NRXN3: variants seen among roughly 807,000 people sequenced by gnomAD.
NRXN3 encodes the protein neurexin III.
In NRXN3, 32 loss-of-function variants were observed where a neutral mutation model predicts 137.6. The ratio of observed to expected loss-of-function variants is 0.23; its 90% CI spans 0.18 to 0.31. The LOEUF (loss-of-function observed/expected upper bound fraction) is 0.31. NRXN3 is among the 10% of genes least tolerant of loss of function. The probability of loss-of-function intolerance (pLI) is 1.00; values close to 1 mark genes in which losing one functional copy is unlikely to be tolerated. For missense variants in NRXN3, 1,574 were observed against 2,062.5 expected (o/e 0.76, Z 4.59); for synonymous variants, 798 against 784.5 (o/e 1.02, Z -0.29).
intron 20 of NRXN3, chr14:79,823,909 T>C: frequency 2.2e-6 from 1 of 450,672 alleles, no homozygotes; most frequent in East Asian, 7.0e-5. Flanking sequence ...AGTGACAAAT[T>C]GTCCATGGAT....
chr14:78,797,153 G>C (rs926405048), intron 8 of NRXN3, among the ~76,000 whole-genome samples: 1 of 152,272 alleles, frequency 6.6e-6, no homozygotes, highest in Non-Finnish European at 1.5e-5. Flanking sequence ...CTTTCTGAGG[G>C]GGGAGACGAG....
intron 11 of NRXN3, among the ~76,000 whole-genome samples, chr14:78,958,151 A>G (rs1364855444): frequency 6.6e-6 from 1 of 152,154 alleles, no homozygotes; most frequent in East Asian, 1.9e-4. Context: ...ACCAAAATAT[A>G]TAATGAGATT....
At position 79,472,684 on chromosome 14, in the gene NRXN3, T is replaced by C. The variant is rs145438910; in HGVS notation, c.3444+5282T>C. ...CGATTGTTGAGGAATTAAAGCTCAA[T>C]TTTGGAGAAAAGCTGCTATCGCTTG... On this transcript the variant is annotated intron_variant, in intron 16 of 20. Transcript: ENST00000335750. Among the ~76,000 whole-genome samples, 647 of 152,288 alleles carry C rather than the reference T, an allele frequency of 4.2e-3. 6 individuals carry two copies. The highest frequency in any genetic ancestry group is 0.015 in the African/African-American group (613 of 41,560).
chr14:78,490,062 A>AGGTG (rs1161850265), intron 4 of NRXN3, among the ~76,000 whole-genome samples: 24 of 152,090 alleles, frequency 1.6e-4, no homozygotes, highest in African/African-American at 2.9e-4. Context: ...CTGCAGGCAC[A>AGGTG]TGCCACCATG....
intron 6 of NRXN3, among the ~76,000 whole-genome samples, chr14:78,658,212 G>T (rs968517182): frequency 6.6e-6 from 1 of 152,162 alleles, no homozygotes; most frequent in African/African-American, 2.4e-5. Flanking sequence ...TGAGAAGAGG[G>T]TGGGCTTCAG....
intron 16 of NRXN3, among the ~76,000 whole-genome samples, chr14:79,654,038 G>A (rs1333958419): frequency 1.3e-5 from 2 of 152,162 alleles, no homozygotes; most frequent in African/African-American, 4.8e-5. Flanking sequence ...GTAGGAAGTG[G>A]AACAGAGACT....
chr14:79,602,680 A>G, intron 16 of NRXN3, among the ~76,000 whole-genome samples: 1 of 152,204 alleles, frequency 6.6e-6, no homozygotes, highest in East Asian at 1.9e-4. Context: ...CATACTTAAC[A>G]AAAGATCTAA....
chr14:78,921,479 T>TG (rs1164899857), intron 10 of NRXN3, among the ~76,000 whole-genome samples: 1 of 151,926 alleles, frequency 6.6e-6, no homozygotes, highest in Non-Finnish European at 1.5e-5. Context: ...AGGAAGGAGG[T>TG]GCTGGGTGTG....
chr14:78,235,200 G>A (rs906379311), intron 1 of NRXN3, among the ~76,000 whole-genome samples: 4 of 151,584 alleles, frequency 2.6e-5, no homozygotes, highest in Admixed American at 6.6e-5. Context: ...ATTAGATATA[G>A]GCTGTAGTTT....
chr14:79,331,840 CTGTGTG>C (rs58746209), intron 15 of NRXN3, among the ~76,000 whole-genome samples: 2,012 of 148,532 alleles, frequency 0.014, 34 homozygotes, highest in African/African-American at 0.039. Context: ...AAGGCTTTTG[CTGTGTG>C]TGTGTGTGTG....
chr14:78,834,790 A>C (rs570877954), intron 10 of NRXN3, among the ~76,000 whole-genome samples: 4 of 152,310 alleles, frequency 2.6e-5, no homozygotes, highest in African/African-American at 9.6e-5. Flanking sequence ...GAAAGCAGCA[A>C]GCTTTGGAAG....
intron 15 of NRXN3, among the ~76,000 whole-genome samples, chr14:79,435,756 TC>T (rs1247345107): frequency 6.6e-6 from 1 of 152,048 alleles, no homozygotes; most frequent in East Asian, 1.9e-4. Context: ...TGCCACAGCC[TC>T]CTGAGGAGCT....
intron 20 of NRXN3, 63 bp downstream of exon 20, chr14:79,805,253 A>G: frequency 4.3e-6 from 5 of 1,150,534 alleles, no homozygotes; most frequent in South Asian, 1.3e-5. Context: ...CAATACATAC[A>G]TATATGTGAT....
At chr14:78,894,256 C>T (rs1440138225) in intron 10 of NRXN3, among the ~76,000 whole-genome samples, 1 of 151,954 alleles carries the variant, frequency 6.6e-6, no homozygotes, top group Non-Finnish European at 1.5e-5. Flanking sequence ...AGAATGAATT[C>T]ACTCAAAACT....
intron 15 of NRXN3, among the ~76,000 whole-genome samples, chr14:79,049,430 C>T (rs2099638680): frequency 6.6e-6 from 1 of 152,108 alleles, no homozygotes; most frequent in South Asian, 2.1e-4. Context: ...TACTTCTGTT[C>T]TAGTTCTCTT....
At chr14:79,820,196 G>A (rs2099267199) in intron 20 of NRXN3, among the ~76,000 whole-genome samples, 2 of 152,180 alleles carry the variant, frequency 1.3e-5, no homozygotes, top group African/African-American at 4.8e-5. Flanking sequence ...TGTGAGGAAA[G>A]TGGGAAAAAC....
intron 15 of NRXN3, among the ~76,000 whole-genome samples, chr14:79,196,191 G>T (rs776414379): frequency 3.9e-5 from 6 of 152,170 alleles, no homozygotes; most frequent in Non-Finnish European, 8.8e-5. Flanking sequence ...TGACTTGATA[G>T]CCTGGATCAC....
chr14:78,463,222 A>G (rs76895940), intron 4 of NRXN3, among the ~76,000 whole-genome samples: 4 of 152,272 alleles, frequency 2.6e-5, no homozygotes, highest in Non-Finnish European at 5.9e-5. Context: ...GTGTGTATAC[A>G]TATATGTATA....
chr14:79,288,090 G>A (rs2082579307), intron 15 of NRXN3, among the ~76,000 whole-genome samples: 1 of 152,148 alleles, frequency 6.6e-6, no homozygotes. Context: ...TATTTTATAG[G>A]TCTATTTTCT....
Sources: allele counts gnomAD v4.1 joint callset (sites outside exome capture counted in the v4.1 genomes callset), GRCh38; gene constraint gnomAD v4.1.1; transcripts MANE v1.5; gene names NCBI Gene and HGNC (gene_info 2026-07-23, HGNC 2026-07-21).